AKAP12: variants seen among roughly 807,000 people sequenced by gnomAD.
AKAP12 encodes A-kinase anchor protein 12.
Under a neutral mutation model 79.9 loss-of-function variants are expected in AKAP12, and 32 were observed. The ratio of observed to expected loss-of-function variants is 0.40; its 90% CI spans 0.30 to 0.54. The LOEUF is 0.54. Among genes scored for constraint, AKAP12 ranks in the 20% least tolerant of loss-of-function variants. AKAP12 has a pLI of 0.48. For synonymous variants in AKAP12, 808 were observed against 857.0 expected, an observed-to-expected ratio of 0.94 and a Z score of 1.00; for missense variants, 2,074 against 2,177.0, an observed-to-expected ratio of 0.95 and a Z score of 0.94.
At position 151,351,426 on chromosome 6, in the gene AKAP12, C is replaced by G. The variant is rs1306383388; in HGVS notation, c.3035C>G (p.Ser1012Cys). The stretch of plus-strand genomic sequence containing the variant: ...TCAGCAGTCTCCCAGTTAACCGACT[C>G]CCCAGACACCACAGAGGAGGCCACT... ...MVSAVSQLTD[S>C]PDTTEEATPV... The change falls in exon 4 of 5, where the codon TCC becomes TGC. Residue 1012 changes from serine (S) to cysteine (C), a missense_variant. Transcript: ENST00000402676. This position sits in a 1 kb window ranked among gnomAD's most constrained non-coding sequence, Gnocchi z 4.4. The G allele has an allele frequency of 5.6e-6, 9 of 1,614,196 alleles. No homozygotes were observed. The highest frequency in any genetic ancestry group is 7.6e-6 in the Non-Finnish European group (9 of 1,180,046).
intron 3 of AKAP12, among the ~76,000 whole-genome samples, chr6:151,321,209 A>T (rs1344503974): frequency 6.6e-6 from 1 of 151,540 alleles, no homozygotes; most frequent in African/African-American, 2.4e-5. Flanking sequence ...CTGGTCTTGA[A>T]CTCCTGACCT....
intron 2 of AKAP12, among the ~76,000 whole-genome samples, chr6:151,255,980 A>ATGTACCTG (rs1355539709): frequency 6.6e-6 from 1 of 151,940 alleles, no homozygotes; most frequent in African/African-American, 2.4e-5. Flanking sequence ...GGACTTAAAC[A>ATGTACCTG]TGCTCATGTA....
intron 2 of AKAP12, among the ~76,000 whole-genome samples, chr6:151,256,891 T>C (rs1442907967): frequency 6.6e-6 from 1 of 151,050 alleles, no homozygotes; most frequent in African/African-American, 2.4e-5. Flanking sequence ...TCAGGTGATC[T>C]GCCTGCCTCG....
chr6:151,283,394 C>A (rs544806636), intron 2 of AKAP12, among the ~76,000 whole-genome samples: 1 of 152,126 alleles, frequency 6.6e-6, no homozygotes, highest in South Asian at 2.1e-4. Flanking sequence ...GCTTTTCCAA[C>A]GAGGATGCTA....
chr6:151,240,642 C>T lies in AKAP12; in HGVS notation c.80C>T (p.Pro27Leu). ...EGSSTPAEPE[P>L]SGGGPSAEAA... is the part of the protein sequence containing the mutation. Reference sequence around the variant, plus strand: ...AGCTCCACGCCGGCTGAGCCCGAGCCCAGCGGCGGCGGCCCCTCGGCCGAG... The same window carrying T: ...AGCTCCACGCCGGCTGAGCCCGAGCTCAGCGGCGGCGGCCCCTCGGCCGAG... Residue 27 changes from proline (P) to leucine (L), a missense_variant, in exon 2 of 5, where the codon CCC (proline) becomes CTC (leucine). This residue lies in a region of AKAP12 where 1,428 missense variants were observed against 1,451.0 expected (regional missense o/e 0.98). Coordinates refer to ENST00000402676, the MANE Select transcript of AKAP12 (RefSeq NM_005100.4). 1.5e-6 allele frequency: 2 copies of T among 1,342,930 alleles called. No individual in the cohort carries two copies. The highest frequency in any genetic ancestry group is 2.8e-4 in the Middle Eastern group (1 of 3,630). The allele number at this position is 1,342,930 out of a possible 1,614,324, so 83.2% of individuals were successfully genotyped here.
At chr6:151,314,506 G>A (rs1296174325) in intron 3 of AKAP12, among the ~76,000 whole-genome samples, 1 of 152,198 alleles carries the variant, frequency 6.6e-6, no homozygotes, top group Non-Finnish European at 1.5e-5. Context: ...CCCCCCATAT[G>A]TGTTCTGCTG....
chr6:151,314,309 G>A (rs1402648243), intron 3 of AKAP12, among the ~76,000 whole-genome samples: 2 of 152,130 alleles, frequency 1.3e-5, no homozygotes, highest in Non-Finnish European at 2.9e-5. Context: ...TTACAGGCAT[G>A]AGCCACCGCA....
chr6:151,272,968 T>C (rs1234045285), intron 2 of AKAP12, among the ~76,000 whole-genome samples: 2 of 152,170 alleles, frequency 1.3e-5, no homozygotes, highest in Non-Finnish European at 2.9e-5. Flanking sequence ...AGTGCAGTGG[T>C]GCAATCTCAA....
At chr6:151,346,237 C>T (rs1778099851) in intron 3 of AKAP12, among the ~76,000 whole-genome samples, 1 of 152,070 alleles carries the variant, frequency 6.6e-6, no homozygotes, top group Non-Finnish European at 1.5e-5. Context: ...CCTCCTACTT[C>T]CCCCCATTAA....
rs1778224276 is a variant in AKAP12 at position 151,349,717 on chromosome 6, G to A, written c.1326G>A (p.Val442=). 1 of 1,614,142 alleles carries A rather than the reference G, an allele frequency of 6.2e-7. No individual in the cohort carries two copies. Residue 442 remains valine (V), a synonymous_variant, in exon 4 of 5, where the codon GTG becomes GTA. Coordinates refer to ENST00000402676, the MANE Select transcript of AKAP12 (RefSeq NM_005100.4). ...AGGTGGAAGAAACAGCAGGGTCTGT[G>A]CCAGCTGAAGAATTGGTTGAAATGG... The part of the protein sequence containing the change: ...KTEVEETAGS[V]PAEELVEMDA...
intron 3 of AKAP12, among the ~76,000 whole-genome samples, chr6:151,313,630 T>A (rs1777168551): frequency 2.0e-5 from 3 of 152,214 alleles, no homozygotes; most frequent in African/African-American, 7.2e-5. Flanking sequence ...CTGAACTATA[T>A]TCAAGTCTGA....
At chr6:151,250,767 G>A (rs926354293) in intron 2 of AKAP12, among the ~76,000 whole-genome samples, 2 of 151,514 alleles carry the variant, frequency 1.3e-5, no homozygotes, top group African/African-American at 4.8e-5. Flanking sequence ...CACCACGCCC[G>A]GCTAATTTTT....
chr6:151,244,919 AATAAG>A (rs1797041242), intron 2 of AKAP12, among the ~76,000 whole-genome samples: 1 of 152,224 alleles, frequency 6.6e-6, no homozygotes, highest in Non-Finnish European at 1.5e-5. Flanking sequence ...CTAGTGGATG[AATAAG>A]ATAAGTGGAG....
intron 3 of AKAP12, among the ~76,000 whole-genome samples, chr6:151,313,962 A>G (rs1182537547): frequency 6.6e-6 from 1 of 152,212 alleles, no homozygotes; most frequent in Admixed American, 6.5e-5. Flanking sequence ...AGCGACCTGA[A>G]GCAGGCAGCA....
At chr6:151,278,096 T>C (rs561924464) in intron 2 of AKAP12, among the ~76,000 whole-genome samples, 4 of 152,362 alleles carry the variant, frequency 2.6e-5, no homozygotes, top group African/African-American at 9.6e-5. Flanking sequence ...AGGTAGTAGG[T>C]AAAAAGTTTA....
At chr6:151,270,142 C>T (rs1401217816) in intron 2 of AKAP12, among the ~76,000 whole-genome samples, 3 of 152,124 alleles carry the variant, frequency 2.0e-5, no homozygotes, top group South Asian at 4.1e-4. Flanking sequence ...CTGCAACCTC[C>T]GCCTCCTGGG....
At chr6:151,337,050 G>A (rs1441449384) in intron 3 of AKAP12, among the ~76,000 whole-genome samples, 4 of 152,030 alleles carry the variant, frequency 2.6e-5, no homozygotes, top group East Asian at 1.9e-4. Flanking sequence ...TGTTTAATAC[G>A]TAGATAAAAT....
In AKAP12 at chr6:151,351,683, G is replaced by A. The variant is rs1778295450; in HGVS notation, c.3292G>A (p.Ala1098Thr). ...GACGGATGTAGTGTTGAAAGTAGAT[G>A]CTCAGGAGGCAAAAACTGAGCCTTT... is the stretch of plus-strand genomic sequence containing the variant. ...KETDVVLKVD[A>T]QEAKTEPFTQ... Residue 1098 changes from alanine to threonine, a missense_variant, in exon 4 of 5, where the codon GCT becomes ACT. This residue lies in a region of AKAP12 where 1,428 missense variants were observed against 1,451.0 expected (regional missense o/e 0.98). Coordinates refer to ENST00000402676, the MANE Select transcript of AKAP12 (RefSeq NM_005100.4). This position sits in a 1 kb window ranked among gnomAD's most constrained non-coding sequence, Gnocchi z 4.4. The A allele has an allele frequency of 6.2e-7, 1 of 1,614,066 alleles. No individual in the cohort carries two copies. Among genetic ancestry groups the A allele is most frequent in the Non-Finnish European group, 8.5e-7 (1 of 1,180,054 alleles).
chr6:151,317,524 C>T (rs1425029109), intron 3 of AKAP12, among the ~76,000 whole-genome samples: 1 of 152,172 alleles, frequency 6.6e-6, no homozygotes, highest in Non-Finnish European at 1.5e-5. Flanking sequence ...GCTTGCCAAA[C>T]ATCACTGGGT....
Sources: gnomAD v4.1 joint callset for allele counts (sites outside exome capture counted in the v4.1 genomes callset) on GRCh38, gnomAD v4.1.1 for gene constraint, gnomAD v4.1.1 regional missense constraint, Gnocchi (gnomAD v3.1) non-coding constraint, MANE v1.5 for transcripts, NCBI Gene and HGNC (gene_info 2026-07-23, HGNC 2026-07-21) for gene names.